KCNH1: variants seen among roughly 807,000 people sequenced by gnomAD.
KCNH1 encodes voltage-gated delayed rectifier potassium channel KCNH1.
KCNH1 carries 27 observed loss-of-function variants against 69.2 expected under a neutral mutation model. That is an observed-to-expected ratio of 0.39 (90% confidence interval 0.29 to 0.54). The LOEUF (loss-of-function observed/expected upper bound fraction) is 0.54. KCNH1 is among the 20% of genes least tolerant of loss of function. The pLI, the probability that KCNH1 is intolerant of heterozygous loss-of-function variation, is 0.68. For missense variants in KCNH1, 798 were observed against 1,261.6 expected (o/e 0.63, Z 5.57); for synonymous variants, 456 against 487.7 (o/e 0.93, Z 0.86).
At chr1:210,985,323 A>G (rs1688808615) in intron 6 of KCNH1, among the ~76,000 whole-genome samples, 1 of 152,122 alleles carries the variant, frequency 6.6e-6, no homozygotes, top group African/African-American at 2.4e-5. Context: ...GCCTTCTGCT[A>G]GCTTTTGAAT....
intron 7 of KCNH1, among the ~76,000 whole-genome samples, chr1:210,890,951 A>C (rs963456083): frequency 1.3e-5 from 2 of 152,224 alleles, no homozygotes. Flanking sequence ...GGGAGTGTAA[A>C]TTAGTTCAAC....
At chr1:211,000,333 A>G (rs1689149465) in intron 6 of KCNH1, among the ~76,000 whole-genome samples, 1 of 152,250 alleles carries the variant, frequency 6.6e-6, no homozygotes, top group African/African-American at 2.4e-5. Context: ...TACAAAATCA[A>G]TGTGCAAAAA....
intron 4 of KCNH1, among the ~76,000 whole-genome samples, chr1:211,083,748 T>G (rs1381131906): frequency 6.6e-6 from 1 of 152,204 alleles, no homozygotes; most frequent in Non-Finnish European, 1.5e-5. Flanking sequence ...ACATTACAGC[T>G]AAAAGCAGGA....
intron 6 of KCNH1, among the ~76,000 whole-genome samples, chr1:210,925,924 C>G (rs1399139963): frequency 1.3e-5 from 2 of 152,214 alleles, no homozygotes; most frequent in African/African-American, 2.4e-5. Flanking sequence ...CTGATGCACT[C>G]TTGAAAGTGC....
chr1:211,131,169 G>A (rs954104902), intron 1 of KCNH1, among the ~76,000 whole-genome samples: 1 of 151,956 alleles, frequency 6.6e-6, no homozygotes, highest in Non-Finnish European at 1.5e-5. Flanking sequence ...TGGGGAAGGA[G>A]AGGCAGACTA....
chr1:210,863,606 C>A (rs1686030016), intron 7 of KCNH1, among the ~76,000 whole-genome samples: 1 of 152,172 alleles, frequency 6.6e-6, no homozygotes. Context: ...ATGTTTCCAC[C>A]TTAATGTGCG....
intron 7 of KCNH1, among the ~76,000 whole-genome samples, chr1:210,911,641 A>AT (rs1687234118): frequency 6.6e-6 from 1 of 151,962 alleles, no homozygotes; most frequent in South Asian, 2.1e-4. Flanking sequence ...CAAAAAAAAA[A>AT]AAAAAGAAGG....
chr1:211,003,882 A>G (rs1000533497), intron 6 of KCNH1, among the ~76,000 whole-genome samples: 1 of 152,192 alleles, frequency 6.6e-6, no homozygotes, highest in African/African-American at 2.4e-5. Flanking sequence ...TCACGAGGTC[A>G]GGAGATGGAG....
At chr1:210,992,700 C>A (rs754658238) in intron 6 of KCNH1, among the ~76,000 whole-genome samples, 1 of 152,048 alleles carries the variant, frequency 6.6e-6, no homozygotes, top group Non-Finnish European at 1.5e-5. Flanking sequence ...TTTTTCTGTT[C>A]AAATGGAATC....
chr1:210,986,948 CA>C (rs1450572534), intron 6 of KCNH1, among the ~76,000 whole-genome samples: 1 of 152,236 alleles, frequency 6.6e-6, no homozygotes, highest in Non-Finnish European at 1.5e-5. Flanking sequence ...GGTCTTTTCA[CA>C]TAGTCCCATG....
chr1:211,097,596 T>C (rs1030533547), intron 3 of KCNH1, among the ~76,000 whole-genome samples: 6 of 152,234 alleles, frequency 3.9e-5, no homozygotes, highest in African/African-American at 1.2e-4. Context: ...CAAAATATGA[T>C]TGCTTTGCCT....
intron 6 of KCNH1, among the ~76,000 whole-genome samples, chr1:211,010,555 C>T (rs1689374094): frequency 6.6e-6 from 1 of 152,110 alleles, no homozygotes; most frequent in African/African-American, 2.4e-5. Flanking sequence ...CAGCCCTTTG[C>T]ACATGTTCTT....
chr1:210,944,843 C>T (rs1687931187), intron 6 of KCNH1, among the ~76,000 whole-genome samples: 1 of 152,174 alleles, frequency 6.6e-6, no homozygotes, highest in Non-Finnish European at 1.5e-5. Context: ...GTACAACCAT[C>T]ACCACTATTC....
chr1:210,802,613 A>T (rs115959299), intron 8 of KCNH1, among the ~76,000 whole-genome samples: 4 of 152,302 alleles, frequency 2.6e-5, no homozygotes, highest in African/African-American at 9.6e-5. Context: ...TGTTTTCTCT[A>T]TTATTTCCAG....
At chr1:210,878,514 C>G (rs989888946) in intron 7 of KCNH1, among the ~76,000 whole-genome samples, 3 of 152,002 alleles carry the variant, frequency 2.0e-5, no homozygotes, top group African/African-American at 7.2e-5. Context: ...TCTTGAAATA[C>G]TTGGAGAATA....
chr1:210,917,247 G>GAA (rs1246767314), intron 7 of KCNH1, among the ~76,000 whole-genome samples: 3 of 141,774 alleles, frequency 2.1e-5, no homozygotes, highest in African/African-American at 8.1e-5. Context: ...AAGAAAGAAA[G>GAA]AAAGAAAGAA....
At chr1:210,982,439 TC>T (rs1198327232) in intron 6 of KCNH1, among the ~76,000 whole-genome samples, 3 of 151,854 alleles carry the variant, frequency 2.0e-5, no homozygotes, top group Non-Finnish European at 2.9e-5. Context: ...TCCACACCAG[TC>T]CCCGGTATGT....
intron 7 of KCNH1, among the ~76,000 whole-genome samples, chr1:210,853,902 G>A (rs554569495): frequency 8.0e-6 from 1 of 124,590 alleles, no homozygotes; most frequent in African/African-American, 3.1e-5. Flanking sequence ...CTCCCAATCA[G>A]GTGACATTTT....
In KCNH1 at chr1:211,107,383, A is replaced by C; in HGVS notation, c.80-6T>G. On this transcript the variant is annotated splice_region_variant and splice_polypyrimidine_tract_variant and intron_variant, in intron 1 of 10. Transcript: ENST00000271751. ...CCCCAACACAAAATTAGTATCTGTT[A>C]AAAAAAAAAAAAAGGGAAAAAAGGG... 2.6e-5 allele frequency: 2 copies of C among 78,378 alleles called. No homozygotes were observed. The highest frequency in any genetic ancestry group is 3.9e-5 in the Non-Finnish European group (2 of 50,756). The allele number at this position is 78,378 out of a possible 1,614,324, so 4.9% of individuals were successfully genotyped here.
Sources: allele counts gnomAD v4.1 joint callset (sites outside exome capture counted in the v4.1 genomes callset), GRCh38; gene constraint gnomAD v4.1.1; transcripts MANE v1.5; gene names NCBI Gene and HGNC (gene_info 2026-07-23, HGNC 2026-07-21).